The following VPS35L variants were observed in gnomAD, a reference collection of about 807,000 sequenced individuals.
VPS35L encodes VPS35 endosomal protein sorting factor like.
VPS35L carries 83 observed loss-of-function variants against 133.0 expected under a neutral mutation model. The ratio of observed to expected loss-of-function variants is 0.62; its 90% CI spans 0.52 to 0.75. VPS35L has a LOEUF of 0.75. VPS35L is among the 30% of genes least tolerant of loss of function. The pLI, the probability that VPS35L is intolerant of heterozygous loss-of-function variation, is 0.00. For synonymous variants in VPS35L, 423 were observed against 449.9 expected, an observed-to-expected ratio of 0.94 and a Z score of 0.76; for missense variants, 1,083 against 1,206.8, an observed-to-expected ratio of 0.90 and a Z score of 1.52.
Position 19,633,776 on chromosome 16 carries a change from T to C in VPS35L, c.1635+604T>C, listed in dbSNP as rs1973533602. ...GTTTTGAGACGGAGTCTTGCTCTGT[T>C]GCCCAGGCTGGAGTGCAGTGGTGCG... On this transcript the variant is annotated intron_variant, in intron 19 of 30. Coordinates refer to ENST00000417362, the MANE Select transcript of VPS35L (RefSeq NM_020314.7). The surrounding 1 kb of genome is among the most constrained non-coding windows in gnomAD (Gnocchi z 4.1). Among the ~76,000 whole-genome samples the C allele has an allele frequency of 1.3e-5, 2 of 151,854 alleles. No individual in the cohort carries two copies. The highest frequency in any genetic ancestry group is 4.8e-5 in the African/African-American group (2 of 41,410).
rs12920116 is a variant in VPS35L, at chr16:19,666,983, T to C, written c.2222-2177T>C. 7.1e-3 allele frequency among the ~76,000 whole-genome samples: 712 copies of C among 99,586 alleles called. 13 individuals are homozygous for C. Among genetic ancestry groups the C allele is most frequent in the African/African-American group, 0.032 (619 of 19,518 alleles). The allele number at this position is 99,586 out of a possible 152,430, so 65.3% of individuals were successfully genotyped here. ...TCCTTTCTTCCTTTCTTCCTTTCTTTCTTTCTTTCTTTTTTTTTGAGACAG... is the reference window on the plus strand; with the variant it reads ...TCCTTTCTTCCTTTCTTCCTTTCTTCCTTTCTTTCTTTTTTTTTGAGACAG... On this transcript the variant is annotated intron_variant, in intron 26 of 30. Transcript: ENST00000417362.
intron 29 of VPS35L, among the ~76,000 whole-genome samples, chr16:19,696,053 A>T (rs1443678771): frequency 1.3e-5 from 2 of 151,782 alleles, no homozygotes; most frequent in African/African-American, 4.8e-5. Context: ...CACCTAGCTA[A>T]TTTTTTGTAT....
chr16:19,622,849 G>A (rs1973127372), intron 14 of VPS35L, among the ~76,000 whole-genome samples: 1 of 152,170 alleles, frequency 6.6e-6, no homozygotes, highest in South Asian at 2.1e-4. Context: ...CAGCTAGGGT[G>A]CTTTTGGCTG....
chr16:19,700,434 G>C lies in VPS35L; in HGVS notation c.2850G>C (p.Leu950=), dbSNP rs750030502. Residue 950 remains leucine, a synonymous_variant, in exon 31 of 31, where the codon CTG becomes CTC. Coordinates refer to ENST00000417362, the MANE Select transcript of VPS35L (RefSeq NM_020314.7). ...GCAAACAACCAGACATGACTCATCT[G>C]ACGGAGCTGGCCCTCAGACTCCCTC... ...KQSKQPDMTH[L]TELALRLPLQ... 1 of 1,614,190 alleles carries C rather than the reference G, an allele frequency of 6.2e-7. No individual in the cohort carries two copies. Among genetic ancestry groups the C allele is most frequent in the Admixed American group, 1.7e-5 (1 of 60,016 alleles).
intron 7 of VPS35L, among the ~76,000 whole-genome samples, chr16:19,585,813 G>A (rs912550799): frequency 5.3e-5 from 8 of 152,026 alleles, no homozygotes; most frequent in Admixed American, 3.9e-4. Flanking sequence ...CTTTGTACAC[G>A]CTTATTGGCC....
chr16:19,628,746 A>C lies in VPS35L; in HGVS notation c.1493A>C (p.Asn498Thr), dbSNP rs149884417. 1.6e-4 allele frequency: 227 copies of C among 1,447,146 alleles called. No individual in the cohort carries two copies. The highest frequency in any genetic ancestry group is 1.6e-4 in the Non-Finnish European group (174 of 1,070,130). The allele number at this position is 1,447,146 out of a possible 1,614,324, so 89.6% of individuals were successfully genotyped here. The change falls in exon 17 of 31, where the codon AAC (asparagine) becomes ACC (threonine). Residue 498 changes from asparagine (N) to threonine (T), a missense_variant. Transcript: ENST00000417362. ...TGGAAAGTCATCACTAAGCTGAAGA[A>C]CCCACAGGTGAGTGGCCATTTTATT... The part of the protein sequence containing the change: ...EAWKVITKLK[N>T]PQDYINCAEV...
intron 3 of VPS35L, among the ~76,000 whole-genome samples, chr16:19,572,056 A>G (rs1442479060): frequency 2.6e-5 from 4 of 152,272 alleles, no homozygotes; most frequent in African/African-American, 7.2e-5. Context: ...GCAGTGCAGC[A>G]TGTGTCTCGA....
intron 14 of VPS35L, among the ~76,000 whole-genome samples, chr16:19,621,427 G>T (rs912980551): frequency 2.0e-5 from 3 of 152,128 alleles, no homozygotes; most frequent in Non-Finnish European, 4.4e-5. Context: ...AAAAACAAAT[G>T]TTACATAAAT....
chr16:19,672,094 T>G (rs1025048748), intron 27 of VPS35L, among the ~76,000 whole-genome samples: 1 of 152,176 alleles, frequency 6.6e-6, no homozygotes, highest in Non-Finnish European at 1.5e-5. Flanking sequence ...AACAGGCATG[T>G]GCCAGCCACC....
At chr16:19,635,015 G>C (rs149729526) in intron 19 of VPS35L, among the ~76,000 whole-genome samples, 1 of 152,120 alleles carries the variant, frequency 6.6e-6, no homozygotes, top group Non-Finnish European at 1.5e-5. Flanking sequence ...TCACACATGC[G>C]CAGATTGAGA....
intron 6 of VPS35L, 69 bp downstream of exon 6, chr16:19,579,197 C>T: frequency 1.4e-6 from 2 of 1,395,354 alleles, no homozygotes; most frequent in Non-Finnish European, 2.0e-6. Context: ...GTGAGATCAA[C>T]CTCGGTGGCT....
At chr16:19,581,935 G>A in intron 7 of VPS35L, 1 of 392,770 alleles carries the variant, frequency 2.5e-6, no homozygotes, top group Non-Finnish European at 4.6e-6. Context: ...CATGTGTTGT[G>A]CAGTACATTA....
intron 3 of VPS35L, among the ~76,000 whole-genome samples, chr16:19,570,866 TATATATATATATATATATATA>T (rs1567388570): frequency 4.5e-5 from 4 of 88,050 alleles, no homozygotes; most frequent in East Asian, 6.2e-4. Context: ...TATATATATA[TATATATATATATATATATATA>T]TATTTTTGAG....
intron 19 of VPS35L, among the ~76,000 whole-genome samples, chr16:19,636,118 C>G (rs1973615673): frequency 1.3e-5 from 2 of 152,092 alleles, no homozygotes; most frequent in South Asian, 4.1e-4. Flanking sequence ...CCCAGGAGGT[C>G]AAGGCTGCAG....
At chr16:19,697,643 TG>T (rs1489548815) in intron 29 of VPS35L, among the ~76,000 whole-genome samples, 1 of 149,672 alleles carries the variant, frequency 6.7e-6, no homozygotes, top group Non-Finnish European at 1.5e-5. Flanking sequence ...GTTGATAAGT[TG>T]GTTTTAGCCA....
Position 19,616,146 on chromosome 16 carries a change from A to G in VPS35L, c.1056A>G (p.Glu352=), listed in dbSNP as rs1244015488. The G allele has an allele frequency of 6.2e-7, 1 of 1,613,700 alleles. No homozygotes were observed. Among genetic ancestry groups the G allele is most frequent in the African/African-American group, 1.3e-5 (1 of 74,880 alleles). Residue 352 remains glutamate, a synonymous_variant, in exon 13 of 31, where the codon GAA becomes GAG. Transcript: ENST00000417362. ...VGMEVAPHLK[E]TLNKNFFDFL... ...TGGAAGTGGCCCCACATCTCAAAGAAACCCTAAATAAGAACTTTTTTGACT... is the reference window on the plus strand; with the variant it reads ...TGGAAGTGGCCCCACATCTCAAAGAGACCCTAAATAAGAACTTTTTTGACT...
chr16:19,671,296 C>T (rs1483654598), intron 27 of VPS35L, among the ~76,000 whole-genome samples: 1 of 151,862 alleles, frequency 6.6e-6, no homozygotes, highest in African/African-American at 2.4e-5. Context: ...TGGCACAACC[C>T]CGTATCTACT....
At chr16:19,612,988 A>G (rs1972773860) in intron 12 of VPS35L, among the ~76,000 whole-genome samples, 2 of 152,188 alleles carry the variant, frequency 1.3e-5, no homozygotes, top group South Asian at 4.1e-4. Context: ...GTAGTTTCTA[A>G]AAGTCTCTTT....
At chr16:19,688,515 C>G (rs1462378560) in intron 28 of VPS35L, among the ~76,000 whole-genome samples, 1 of 152,212 alleles carries the variant, frequency 6.6e-6, no homozygotes, top group African/African-American at 2.4e-5. Context: ...AGGCATGGCT[C>G]TTGGTTTATG....
Sources: gnomAD v4.1 joint callset for allele counts (sites outside exome capture counted in the v4.1 genomes callset) on GRCh38, gnomAD v4.1.1 for gene constraint, Gnocchi (gnomAD v3.1) non-coding constraint, MANE v1.5 for transcripts, NCBI Gene and HGNC (gene_info 2026-07-23, HGNC 2026-07-21) for gene names.